Variants in DARS1 observed in about 807,000 individuals in gnomAD.
DARS1 encodes the protein aspartyl-tRNA synthetase 1.
In DARS1, 51 loss-of-function variants were observed where a neutral mutation model predicts 68.8. The observed-to-expected ratio is 0.74, with a 90% CI of 0.59 to 0.94. DARS1 has a LOEUF of 0.94. Ranked by LOEUF, DARS1 falls within the 40% of genes least tolerant of loss-of-function variation. The pLI is 0.00. For missense variants in DARS1, 607 were observed against 597.3 expected (o/e 1.02, Z -0.17); for synonymous variants, 203 against 190.4 (o/e 1.07, Z -0.55).
At chr2:135,941,890 A>C (rs1176724371) in intron 5 of DARS1, among the ~76,000 whole-genome samples, 1 of 152,140 alleles carries the variant, frequency 6.6e-6, no homozygotes, top group Non-Finnish European at 1.5e-5. Context: ...ATGCAGCCAA[A>C]AGACACATGA....
intron 13 of DARS1, among the ~76,000 whole-genome samples, chr2:135,911,957 T>C (rs1222185153): frequency 6.6e-6 from 1 of 152,132 alleles, no homozygotes; most frequent in African/African-American, 2.4e-5. Flanking sequence ...TTTTACTTGG[T>C]CTGGAGTGGG....
At position 135,961,952 on chromosome 2, in the gene DARS1, C is replaced by G. The variant is rs529741356; in HGVS notation, c.218-454G>C. The stretch of plus-strand genomic sequence containing the variant: ...CTAACACAGTGCTTAAAAACAAGGA[C>G]ACAAACACTATGGGGTGGTCCATCT... On this transcript the variant is annotated intron_variant, in intron 3 of 15. Transcript: ENST00000264161. 3.9e-5 allele frequency among the ~76,000 whole-genome samples: 6 copies of G among 152,296 alleles called. No homozygotes were observed. In the East Asian group the frequency reaches 1.2e-3, roughly 29 times the overall value.
At chr2:135,959,714 G>A (rs568816144) in intron 4 of DARS1, among the ~76,000 whole-genome samples, 1 of 152,196 alleles carries the variant, frequency 6.6e-6, no homozygotes, top group Non-Finnish European at 1.5e-5. Context: ...TGGATTAACC[G>A]TCCACTTGTC....
intron 5 of DARS1, chr2:135,943,104 G>C (rs1681643479): frequency 3.5e-6 from 1 of 286,458 alleles, no homozygotes; most frequent in African/African-American, 2.2e-5. Flanking sequence ...AAAGAGATGT[G>C]CCAGATTTAT....
At chr2:135,947,864 T>C (rs905183018) in intron 4 of DARS1, among the ~76,000 whole-genome samples, 9 of 151,672 alleles carry the variant, frequency 5.9e-5, no homozygotes, top group Non-Finnish European at 1.3e-4. Context: ...CTGAAAATAA[T>C]AGGCCCTTTA....
At chr2:135,935,382 G>A (rs1681445073) in intron 5 of DARS1, among the ~76,000 whole-genome samples, 1 of 151,734 alleles carries the variant, frequency 6.6e-6, no homozygotes, top group African/African-American at 2.4e-5. Flanking sequence ...GGATCACGAG[G>A]TCAGGAGATC....
chr2:135,938,415 T>C (rs1190020650), intron 5 of DARS1, among the ~76,000 whole-genome samples: 1 of 152,218 alleles, frequency 6.6e-6, no homozygotes, highest in Non-Finnish European at 1.5e-5. Context: ...GGTTTTTAGC[T>C]TCTTTGCGAT....
rs869183598 is a variant in DARS1 at position 135,907,238 on chromosome 2, C to CTTTTTTTTTTTTTT, written c.*77_*78insAAAAAAAAAAAAAA. On this transcript the variant is annotated 3_prime_UTR_variant, in exon 16 of 16. Transcript: ENST00000264161. The stretch of plus-strand genomic sequence containing the variant: ...AGGTTACTGAAAAGAATAAGTGTGG[C>CTTTTTTTTTTTTTT]TTTCTTTTTTTTTTTTTTTTTTTGA... The CTTTTTTTTTTTTTT allele has an allele frequency of 5.1e-5, 37 of 725,308 alleles. 2 individuals are homozygous for CTTTTTTTTTTTTTT. The highest frequency in any genetic ancestry group is 3.0e-4 in the South Asian group (14 of 47,060). 44.9% of individuals were successfully genotyped at this position (725,308 alleles called of 1,614,324 possible). A position where few individuals can be genotyped will look rare whatever the true frequency, so the allele number is the denominator to read the frequency against.
At chr2:135,917,465 A>G (rs1349768935) in intron 10 of DARS1, among the ~76,000 whole-genome samples, 1 of 152,156 alleles carries the variant, frequency 6.6e-6, no homozygotes, top group Non-Finnish European at 1.5e-5. Flanking sequence ...CCTAGAATTT[A>G]CATTCTATTT....
intron 4 of DARS1, among the ~76,000 whole-genome samples, chr2:135,959,549 A>G (rs1682056662): frequency 6.6e-6 from 1 of 152,098 alleles, no homozygotes; most frequent in Non-Finnish European, 1.5e-5. Flanking sequence ...AGACCATTTG[A>G]AAGTAGCTCT....
intron 15 of DARS1, among the ~76,000 whole-genome samples, chr2:135,907,703 A>G (rs1191135604): frequency 1.3e-5 from 2 of 152,210 alleles, no homozygotes; most frequent in Non-Finnish European, 2.9e-5. Context: ...TAAGAAAAAC[A>G]AAACAAAAGA....
intron 9 of DARS1, among the ~76,000 whole-genome samples, chr2:135,921,012 A>G (rs1353864554): frequency 6.6e-6 from 1 of 151,818 alleles, no homozygotes; most frequent in East Asian, 2.0e-4. Context: ...GTAGTCATTT[A>G]TAGGAATATT....
At chr2:135,925,453 C>T (rs1189648930) in intron 7 of DARS1, among the ~76,000 whole-genome samples, 1 of 152,186 alleles carries the variant, frequency 6.6e-6, no homozygotes, top group Non-Finnish European at 1.5e-5. Context: ...CTCACCCCTT[C>T]TGCATTTACA....
rs2278682 is a variant in DARS1, at chr2:135,985,573, G to C, written c.-105C>G. ...TCCCAGTCTCCGCCCTCCCGACCCT[G>C]GGGTCTCAGCACACGCGCTCGGACT... On this transcript the variant is annotated 5_prime_UTR_variant, in exon 1 of 16. Coordinates refer to ENST00000264161, the MANE Select transcript of DARS1 (RefSeq NM_001349.4). 264,858 of 1,584,088 alleles carry C rather than the reference G, an allele frequency of 0.17. 28,836 individuals are homozygous for C. Among genetic ancestry groups the C allele is most frequent in the Middle Eastern group, 0.37 (2,234 of 6,002 alleles).
chr2:135,973,381 C>T (rs1483619950), intron 3 of DARS1, among the ~76,000 whole-genome samples: 1 of 151,448 alleles, frequency 6.6e-6, no homozygotes, highest in African/African-American at 2.4e-5. Context: ...AACAATTGAA[C>T]TCATGGATAT....
chr2:135,944,710 G>A (rs1260891409), intron 4 of DARS1, among the ~76,000 whole-genome samples: 1 of 152,142 alleles, frequency 6.6e-6, no homozygotes. Context: ...AGAAGTAGTT[G>A]GTGAACTAAG....
In DARS1 at chr2:135,948,597, G is replaced by A. The variant is rs898779119; in HGVS notation, c.321-5117C>T. On this transcript the variant is annotated intron_variant, in intron 4 of 15. Coordinates refer to ENST00000264161, the MANE Select transcript of DARS1 (RefSeq NM_001349.4). The stretch of plus-strand genomic sequence containing the variant: ...TAGTTAATGTAGGCTGGGTACAGTG[G>A]CTCATGCCTGTAATCTCAGCACTTT... Among the ~76,000 whole-genome samples the A allele has an allele frequency of 2.0e-5, 3 of 152,152 alleles. 1 individual carries two copies. Among genetic ancestry groups the A allele is most frequent in the Non-Finnish European group, 1.5e-5 (1 of 68,012 alleles).
intron 5 of DARS1, among the ~76,000 whole-genome samples, chr2:135,941,858 C>T (rs1681605613): frequency 6.6e-6 from 1 of 152,230 alleles, no homozygotes; most frequent in African/African-American, 2.4e-5. Flanking sequence ...TATGAACAGA[C>T]ACTTCTCAAA....
chr2:135,921,043 G>A (rs1285157778), intron 9 of DARS1, among the ~76,000 whole-genome samples: 3 of 150,844 alleles, frequency 2.0e-5, no homozygotes, highest in Admixed American at 1.3e-4. Context: ...AAGATGAGTC[G>A]AGCTAGAGTC....
Sources: allele counts gnomAD v4.1 joint callset (sites outside exome capture counted in the v4.1 genomes callset), GRCh38; gene constraint gnomAD v4.1.1; transcripts MANE v1.5; gene names NCBI Gene and HGNC (gene_info 2026-07-23, HGNC 2026-07-21).